Variants in WDR44 observed in about 807,000 individuals in gnomAD.
WDR44 encodes the protein WD repeat-containing protein 44.
In WDR44, 9 loss-of-function variants were observed where a neutral mutation model predicts 65.7. That is an observed-to-expected ratio of 0.14 (90% CI 0.08 to 0.24). The LOEUF (loss-of-function observed/expected upper bound fraction) is 0.24. WDR44 is among the 10% of genes least tolerant of loss of function. WDR44 has a pLI of 1.00. For synonymous variants in WDR44, 220 were observed against 235.2 expected, an observed-to-expected ratio of 0.94 and a Z score of 0.59; for missense variants, 425 against 670.9, an observed-to-expected ratio of 0.63 and a Z score of 4.05.
intron 12 of WDR44, among the ~76,000 whole-genome samples, chrX:118,430,167 C>T (rs1425792671): frequency 2.9e-5 from 3 of 105,146 alleles, no homozygotes; most frequent in African/African-American, 1.1e-4. Flanking sequence ...AAAACGTTAG[C>T]AGGTTTGGGG....
chrX:118,376,692 A>G (rs182348742), intron 1 of WDR44, among the ~76,000 whole-genome samples: 1 of 111,838 alleles, frequency 8.9e-6, no homozygotes, highest in African/African-American at 3.2e-5. Flanking sequence ...TGAAATGGTG[A>G]AAAGTTACTT....
intron 12 of WDR44, among the ~76,000 whole-genome samples, chrX:118,431,067 T>C (rs1316032988): frequency 2.7e-5 from 3 of 111,733 alleles, no homozygotes; most frequent in Non-Finnish European, 5.6e-5. Flanking sequence ...GTTTTTAATC[T>C]ATCCCCATGC....
intron 1 of WDR44, among the ~76,000 whole-genome samples, chrX:118,352,352 A>ATATATATATATATATATT (rs1357425730): frequency 7.0e-5 from 1 of 14,224 alleles, no homozygotes. Context: ...ATATATATAT[A>ATATATATATATATATATT]TTTTTTTTTT....
At chrX:118,362,368 T>C (rs1029018239) in intron 1 of WDR44, among the ~76,000 whole-genome samples, 2 of 111,835 alleles carry the variant, frequency 1.8e-5, no homozygotes, top group Non-Finnish European at 3.8e-5. Flanking sequence ...CCTATACAGG[T>C]TAACCTCATT....
intron 1 of WDR44, among the ~76,000 whole-genome samples, chrX:118,376,089 C>G (rs1351934697): frequency 1.8e-5 from 2 of 111,052 alleles, no homozygotes; most frequent in African/African-American, 6.6e-5. Flanking sequence ...AGGTGTGCAA[C>G]CCCATGCCTG....
rs1377566668 is a variant in WDR44, at chrX:118,392,736, T to A, written c.291T>A (p.Pro97=). 1 of 1,210,188 alleles carries A rather than the reference T, an allele frequency of 8.3e-7. No homozygotes were observed. The highest frequency in any genetic ancestry group is 1.7e-5 in the African/African-American group (1 of 57,252). ...KELSDQATAS[P]IVARTDLSNI... ...TCTCTGATCAAGCTACTGCCAGTCC[T>A]ATTGTGGCTAGAACAGATCTGAGCA... Residue 97 remains proline (P), a synonymous_variant, in exon 4 of 20, where the codon CCT becomes CCA. Transcript: ENST00000254029.
chrX:118,406,470 A>G lies in WDR44; in HGVS notation c.1382-405A>G, dbSNP rs191761764. 2.7e-3 allele frequency among the ~76,000 whole-genome samples: 302 copies of G among 112,035 alleles called. 1 individual carries two copies. The highest frequency in any genetic ancestry group is 8.9e-3 in the African/African-American group (276 of 30,893). On this transcript the variant is annotated intron_variant, in intron 9 of 19. Coordinates refer to ENST00000254029, the MANE Select transcript of WDR44 (RefSeq NM_019045.5). ...AAATTTGCACATATCTTAACCTCCT[A>G]TGCTTTTGTCATTATTGTACTCATT...
rs1275313242 is a variant in WDR44, at chrX:118,346,477, C to G, written c.-27C>G. Reference sequence around the variant, plus strand: ...CACCCTTCCTCCAGGCGGCGCCGGCCCCCTCACCCGCGGGTGTGTCCTATA... The same window carrying G: ...CACCCTTCCTCCAGGCGGCGCCGGCGCCCTCACCCGCGGGTGTGTCCTATA... On this transcript the variant is annotated 5_prime_UTR_variant, in exon 1 of 20. Coordinates refer to ENST00000254029, the MANE Select transcript of WDR44 (RefSeq NM_019045.5). 1.7e-5 allele frequency: 20 copies of G among 1,198,580 alleles called. No individual in the cohort carries two copies. Among genetic ancestry groups the G allele is most frequent in the Admixed American group, 2.2e-5 (1 of 45,608 alleles).
intron 1 of WDR44, among the ~76,000 whole-genome samples, chrX:118,374,242 A>G (rs1242650516): frequency 9.0e-6 from 1 of 111,556 alleles, no homozygotes; most frequent in African/African-American, 3.3e-5. Context: ...ATAATACTAA[A>G]TAATGTTTTT....
chrX:118,350,635 G>C (rs764458765), intron 1 of WDR44, among the ~76,000 whole-genome samples: 1 of 111,553 alleles, frequency 9.0e-6, no homozygotes, highest in Non-Finnish European at 1.9e-5. Context: ...TTGAAATTAA[G>C]TATTTACTGG....
At chrX:118,347,845 A>G (rs954406868) in intron 1 of WDR44, among the ~76,000 whole-genome samples, 11 of 112,564 alleles carry the variant, frequency 9.8e-5, no homozygotes, top group Non-Finnish European at 2.1e-4. Context: ...GCAGTGGCCA[A>G]TCTTGAGATG....
intron 1 of WDR44, among the ~76,000 whole-genome samples, chrX:118,359,321 A>G (rs1190317259): frequency 8.9e-6 from 1 of 112,333 alleles, no homozygotes; most frequent in African/African-American, 3.2e-5. Context: ...ACATGGTGAT[A>G]TAGCTGCCTT....
At position 118,442,630 on chromosome X, in the gene WDR44, G is replaced by T; in HGVS notation, c.2334G>T (p.Met778Ile). 1 of 1,211,584 alleles carries T rather than the reference G, an allele frequency of 8.3e-7. No individual in the cohort carries two copies. Among genetic ancestry groups the T allele is most frequent in the Non-Finnish European group, 1.1e-6 (1 of 895,450 alleles). ...LYDLRDLSLS[M>I]KYKGYVNSSS... ...ATTTGAGAGATTTGTCACTATCCATGAAGTATAAGGGTTACGTCAATAGCA... is the reference window on the plus strand; with the variant it reads ...ATTTGAGAGATTTGTCACTATCCATTAAGTATAAGGGTTACGTCAATAGCA... Residue 778 changes from methionine (M) to isoleucine (I), a missense_variant, in exon 17 of 20, where the codon ATG becomes ATT. This residue lies in a region of WDR44 where 73 missense variants were observed against 187.4 expected (regional missense o/e 0.39). Coordinates refer to ENST00000254029, the MANE Select transcript of WDR44 (RefSeq NM_019045.5).
At chrX:118,413,329 T>C (rs2057027318) in intron 12 of WDR44, among the ~76,000 whole-genome samples, 1 of 112,295 alleles carries the variant, frequency 8.9e-6, no homozygotes, top group South Asian at 3.7e-4. Context: ...AAGTGTTCCC[T>C]GATCACCACA....
intron 1 of WDR44, among the ~76,000 whole-genome samples, chrX:118,355,760 C>T (rs1165588698): frequency 2.7e-5 from 3 of 111,215 alleles, no homozygotes; most frequent in African/African-American, 6.6e-5. Flanking sequence ...ATCTACTGCG[C>T]TTCACAATTG....
intron 13 of WDR44, 73 bp from the exon 14 acceptor site, chrX:118,436,629 A>G: frequency 8.9e-7 from 1 of 1,123,438 alleles, no homozygotes; most frequent in Non-Finnish European, 1.2e-6. Flanking sequence ...AAAAACCAAA[A>G]GTTCACTTTT....
At chrX:118,372,093 T>A (rs1481626350) in intron 1 of WDR44, among the ~76,000 whole-genome samples, 2 of 109,222 alleles carry the variant, frequency 1.8e-5, no homozygotes, top group African/African-American at 6.7e-5. Context: ...TCTGGGTATG[T>A]ACGTGTATGT....
chrX:118,395,488 A>G lies in WDR44; in HGVS notation c.1053+144A>G, dbSNP rs1403482626. On this transcript the variant is annotated intron_variant, in intron 6 of 19. Coordinates refer to ENST00000254029, the MANE Select transcript of WDR44 (RefSeq NM_019045.5). ...TTAATGACCCAGAACTATACACTTA[A>G]AAATGGTTAAAATGGTAAATTTTAT... 7.8e-6 allele frequency: 3 copies of G among 385,733 alleles called. No homozygotes were observed. In the East Asian group the frequency reaches 1.3e-4, roughly 17 times the overall value. The allele number at this position is 385,733 out of a possible 1,213,427, so 31.8% of individuals were successfully genotyped here.
chrX:118,369,198 G>A (rs1476044971), intron 1 of WDR44, among the ~76,000 whole-genome samples: 1 of 110,767 alleles, frequency 9.0e-6, no homozygotes, highest in Non-Finnish European at 1.9e-5. Flanking sequence ...TTGAGACAGA[G>A]TCTCACTCTT....
Sources: gnomAD v4.1 joint callset for allele counts (sites outside exome capture counted in the v4.1 genomes callset) on GRCh38, gnomAD v4.1.1 for gene constraint, gnomAD v4.1.1 regional missense constraint, MANE v1.5 for transcripts, NCBI Gene and HGNC (gene_info 2026-07-23, HGNC 2026-07-21) for gene names.